GLI3: variants seen among roughly 807,000 people sequenced by gnomAD.
The protein encoded by GLI3 is GLI family zinc finger 3, also known as transcription activator GLI3.
In GLI3, 20 loss-of-function variants were observed where a neutral mutation model predicts 100.8. The observed-to-expected ratio is 0.20, with a 90% CI of 0.14 to 0.29. The LOEUF (loss-of-function observed/expected upper bound fraction) is 0.29, where lower values mean the gene tolerates loss of function less well. Among genes scored for constraint, GLI3 ranks in the 10% least tolerant of loss-of-function variants. The pLI is 1.00. For synonymous variants in GLI3, 938 were observed against 860.5 expected (o/e 1.09, Z -1.58); for missense variants, 2,040 against 2,128.5 (o/e 0.96, Z 0.82).
intron 3 of GLI3, among the ~76,000 whole-genome samples, chr7:42,091,895 A>C (rs542201881): frequency 6.6e-6 from 1 of 152,346 alleles, no homozygotes; most frequent in East Asian, 1.9e-4. Flanking sequence ...TCCCCAGTTA[A>C]ATACCTTCTA....
chr7:42,102,748 G>A (rs532951575), intron 3 of GLI3, among the ~76,000 whole-genome samples: 1 of 152,286 alleles, frequency 6.6e-6, no homozygotes, highest in Admixed American at 6.5e-5. Context: ...GAGCTGAACT[G>A]CAGGTGAACA....
At chr7:42,189,628 C>A (rs1449125945) in intron 2 of GLI3, among the ~76,000 whole-genome samples, 2 of 152,114 alleles carry the variant, frequency 1.3e-5, no homozygotes, top group Non-Finnish European at 2.9e-5. Context: ...ACTAAGAACA[C>A]CCACTTTGTA....
intron 2 of GLI3, among the ~76,000 whole-genome samples, chr7:42,204,172 C>T (rs1345103668): frequency 6.6e-6 from 1 of 152,042 alleles, no homozygotes; most frequent in African/African-American, 2.4e-5. Flanking sequence ...CTTCATGGGC[C>T]TCCACCAATA....
At chr7:42,028,992 G>A (rs1465404745) in intron 7 of GLI3, among the ~76,000 whole-genome samples, 1 of 152,162 alleles carries the variant, frequency 6.6e-6, no homozygotes, top group Non-Finnish European at 1.5e-5. Context: ...AAAACCAGGT[G>A]ACGGGAATAA....
At position 42,045,542 on chromosome 7, in the gene GLI3, C is replaced by T; in HGVS notation, c.680-12G>A. 6.2e-7 allele frequency: 1 copy of T among 1,613,608 alleles called. No individual in the cohort carries two copies. Among genetic ancestry groups the T allele is most frequent in the Non-Finnish European group, 8.5e-7 (1 of 1,179,784 alleles). On this transcript the variant is annotated splice_polypyrimidine_tract_variant and intron_variant, in intron 5 of 14. Transcript: ENST00000395925. ...TCCTGCATGGGGCGCTAGGAGGAGACAAGAGATGTATGGTTACTAGCGAAA... is the reference window on the plus strand; with the variant it reads ...TCCTGCATGGGGCGCTAGGAGGAGATAAGAGATGTATGGTTACTAGCGAAA...
chr7:42,125,465 ATC>A (rs1786102786), intron 3 of GLI3, among the ~76,000 whole-genome samples: 1 of 152,176 alleles, frequency 6.6e-6, no homozygotes, highest in African/African-American at 2.4e-5. Flanking sequence ...GCAATCCCTT[ATC>A]TCGGCTCCAG....
chr7:41,992,831 G>C (rs1486230509), intron 10 of GLI3, among the ~76,000 whole-genome samples: 2 of 152,118 alleles, frequency 1.3e-5, no homozygotes, highest in Non-Finnish European at 2.9e-5. Context: ...CAGTAAGTTT[G>C]GGGGGATCAG....
chr7:42,177,278 G>A (rs974610944), intron 2 of GLI3, among the ~76,000 whole-genome samples: 1 of 152,160 alleles, frequency 6.6e-6, no homozygotes, highest in African/African-American at 2.4e-5. Context: ...GAGTGGGGAG[G>A]AGAGACGGAG....
chr7:42,011,043 C>T (rs1788598876), intron 10 of GLI3, among the ~76,000 whole-genome samples: 1 of 152,216 alleles, frequency 6.6e-6, no homozygotes, highest in South Asian at 2.1e-4. Context: ...GTCAATCTAC[C>T]AGTCTATTTT....
At chr7:42,121,040 T>C (rs189811792) in intron 3 of GLI3, among the ~76,000 whole-genome samples, 224 of 152,358 alleles carry the variant, frequency 1.5e-3, no homozygotes, top group African/African-American at 5.0e-3. Flanking sequence ...TCTAAATTCC[T>C]GTGCCATCAG....
At chr7:42,024,544 A>T (rs1170995142) in intron 9 of GLI3, among the ~76,000 whole-genome samples, 1 of 152,228 alleles carries the variant, frequency 6.6e-6, no homozygotes, top group Admixed American at 6.5e-5. Flanking sequence ...GATTCTGTGG[A>T]CATCTGGACT....
chr7:42,241,977 C>T (rs1788929380), upstream of GLI3, among the ~76,000 whole-genome samples: 1 of 152,132 alleles, frequency 6.6e-6, no homozygotes, highest in Non-Finnish European at 1.5e-5. Context: ...ATAATTTTCT[C>T]TCAGTTGTCT....
chr7:42,154,263 G>A (rs555913222), intron 2 of GLI3, among the ~76,000 whole-genome samples: 26 of 152,150 alleles, frequency 1.7e-4, no homozygotes, highest in South Asian at 8.3e-4. Context: ...ACCCGCACAG[G>A]TGCAATCCTC....
chr7:42,083,677 A>C (rs889684486), intron 3 of GLI3, among the ~76,000 whole-genome samples: 2 of 152,240 alleles, frequency 1.3e-5, no homozygotes, highest in African/African-American at 2.4e-5. Flanking sequence ...TCAGAAAAAA[A>C]AATATCAATT....
chr7:42,263,383 A>T (rs1488147441), intron 1 of GLI3, among the ~76,000 whole-genome samples: 4 of 152,198 alleles, frequency 2.6e-5, no homozygotes. Flanking sequence ...ACTGTGGGTC[A>T]ATGTGTACAT....
At chr7:42,141,921 T>C (rs1212463897) in intron 3 of GLI3, among the ~76,000 whole-genome samples, 1 of 152,110 alleles carries the variant, frequency 6.6e-6, no homozygotes, top group African/African-American at 2.4e-5. Flanking sequence ...GATAAGCATC[T>C]GAGCAGCTCC....
chr7:42,137,677 C>T (rs1191084828), intron 3 of GLI3, among the ~76,000 whole-genome samples: 1 of 152,074 alleles, frequency 6.6e-6, no homozygotes, highest in African/African-American at 2.4e-5. Context: ...GTTGAGTATC[C>T]CTAATCTGAA....
At chr7:42,023,756 C>T in intron 9 of GLI3, 148 bp from the exon 10 acceptor site, 1 of 683,030 alleles carries the variant, frequency 1.5e-6, no homozygotes, top group Non-Finnish European at 2.6e-6. Flanking sequence ...AAAATCATAT[C>T]TGTGCATATT....
intron 3 of GLI3, among the ~76,000 whole-genome samples, chr7:42,095,372 G>A (rs1235150076): frequency 6.6e-6 from 1 of 152,216 alleles, no homozygotes; most frequent in Non-Finnish European, 1.5e-5. Flanking sequence ...AAGAGAGCAC[G>A]GAAGGCTCAG....
Sources: allele counts gnomAD v4.1 joint callset (sites outside exome capture counted in the v4.1 genomes callset), GRCh38; gene constraint gnomAD v4.1.1; transcripts MANE v1.5; gene names NCBI Gene and HGNC (gene_info 2026-07-23, HGNC 2026-07-21).